AFF2: variants seen among roughly 807,000 people sequenced by gnomAD.
AFF2 encodes ALF transcription elongation factor 2.
In AFF2, 14 loss-of-function variants were observed where a neutral mutation model predicts 76.9. The observed-to-expected ratio is 0.18, with a 90% CI of 0.12 to 0.28. The LOEUF is 0.28. Among genes scored for constraint, AFF2 ranks in the 10% least tolerant of loss-of-function variants. The probability of loss-of-function intolerance (pLI) is 1.00; values close to 1 mark genes in which losing one functional copy is unlikely to be tolerated. For missense variants in AFF2, 868 were observed against 1,001.1 expected, an observed-to-expected ratio of 0.87 and a Z score of 1.79; for synonymous variants, 398 against 366.7, an observed-to-expected ratio of 1.09 and a Z score of -0.98.
Position 148,690,350 on chromosome X carries a change from A to G in AFF2, c.1041+27582A>G, listed in dbSNP as rs782232620. The stretch of plus-strand genomic sequence containing the variant: ...TTTTCCAGTTAACTAGTTAGTTACA[A>G]CCCGCTCTCTGGCAGTGTGGACCAT... On this transcript the variant is annotated intron_variant, in intron 3 of 20. Coordinates refer to ENST00000370460, the MANE Select transcript of AFF2 (RefSeq NM_002025.4). Among the ~76,000 whole-genome samples the G allele has an allele frequency of 4.4e-5, 5 of 112,411 alleles. No individual in the cohort carries two copies. In the East Asian group the frequency reaches 1.4e-3, roughly 31 times the overall value.
intron 1 of AFF2, among the ~76,000 whole-genome samples, chrX:148,592,773 G>A (rs1390043938): frequency 8.9e-6 from 1 of 111,840 alleles, no homozygotes; most frequent in Non-Finnish European, 1.9e-5. Flanking sequence ...GAGGCACGTG[G>A]CCTTTGGATG....
At chrX:148,567,222 C>G (rs1273982742) in intron 1 of AFF2, among the ~76,000 whole-genome samples, 1 of 111,895 alleles carries the variant, frequency 8.9e-6, no homozygotes, top group South Asian at 3.7e-4. Context: ...TTTAAGCACA[C>G]CCCTAGTTCA....
intron 1 of AFF2, among the ~76,000 whole-genome samples, chrX:148,536,543 A>G (rs1363119934): frequency 2.7e-5 from 3 of 112,623 alleles, no homozygotes; most frequent in Non-Finnish European, 5.6e-5. Flanking sequence ...TTTATGAAGA[A>G]ACCTATGCAG....
At chrX:148,852,265 T>C (rs781822800) in intron 7 of AFF2, among the ~76,000 whole-genome samples, 1 of 110,830 alleles carries the variant, frequency 9.0e-6, no homozygotes, top group East Asian at 2.9e-4. Context: ...CTAGGTCGAA[T>C]GGTAGTTCTG....
chrX:148,877,823 A>G (rs1342609068), intron 7 of AFF2, among the ~76,000 whole-genome samples: 3 of 112,140 alleles, frequency 2.7e-5, no homozygotes, highest in Non-Finnish European at 5.6e-5. Context: ...AGTGCACTTA[A>G]CAGCGACTTA....
At chrX:148,585,450 T>G (rs1470043078) in intron 1 of AFF2, among the ~76,000 whole-genome samples, 1 of 111,919 alleles carries the variant, frequency 8.9e-6, no homozygotes, top group Non-Finnish European at 1.9e-5. Flanking sequence ...CCATTCAACT[T>G]TTAGCACAGT....
intron 9 of AFF2, among the ~76,000 whole-genome samples, chrX:148,940,338 A>T (rs782493866): frequency 8.9e-6 from 1 of 112,256 alleles, no homozygotes; most frequent in South Asian, 3.7e-4. Flanking sequence ...TTTGCTGTTG[A>T]CATACTAAAA....
chrX:148,894,156 T>G (rs1240711476), intron 8 of AFF2, among the ~76,000 whole-genome samples: 1 of 111,796 alleles, frequency 8.9e-6, no homozygotes, highest in African/African-American at 3.3e-5. Context: ...TATGCACATC[T>G]CAAGCAAAAG....
At position 148,930,842 on chromosome X, in the gene AFF2, G is replaced by A. The variant is rs782399122; in HGVS notation, c.1398-22738G>A. Reference sequence around the variant, plus strand: ...CTGCAGCTTCTGCTGGCTGACTTCAGATAGAGTCTTGGGATGAGTGATATT... The same window carrying A: ...CTGCAGCTTCTGCTGGCTGACTTCAAATAGAGTCTTGGGATGAGTGATATT... On this transcript the variant is annotated intron_variant, in intron 9 of 20. Coordinates refer to ENST00000370460, the MANE Select transcript of AFF2 (RefSeq NM_002025.4). 3.6e-5 allele frequency among the ~76,000 whole-genome samples: 4 copies of A among 112,403 alleles called. No homozygotes were observed. In the South Asian group the frequency reaches 1.1e-3, roughly 31 times the overall value.
At chrX:148,548,976 T>C (rs2052960180) in intron 1 of AFF2, among the ~76,000 whole-genome samples, 1 of 112,516 alleles carries the variant, frequency 8.9e-6, no homozygotes, top group Non-Finnish European at 1.9e-5. Context: ...TGCTATAAAA[T>C]ATTTACTTTT....
intron 7 of AFF2, among the ~76,000 whole-genome samples, chrX:148,869,611 C>T (rs1220298683): frequency 9.0e-6 from 1 of 111,553 alleles, no homozygotes; most frequent in Admixed American, 9.5e-5. Flanking sequence ...CTCAGCCCAC[C>T]CATTTTGGAG....
chrX:148,914,888 G>A (rs1317292581), intron 9 of AFF2, among the ~76,000 whole-genome samples: 2 of 112,359 alleles, frequency 1.8e-5, no homozygotes, highest in African/African-American at 3.2e-5. Context: ...AGCACAGTAG[G>A]GCTATTTAGG....
intron 7 of AFF2, among the ~76,000 whole-genome samples, chrX:148,873,336 G>C (rs2071000521): frequency 9.0e-6 from 1 of 110,503 alleles, no homozygotes; most frequent in Non-Finnish European, 1.9e-5. Context: ...GCCTTGCATA[G>C]ACTCAGCAGA....
In AFF2 at chrX:148,500,960, C is replaced by T. The variant is rs1483697312; in HGVS notation, c.-138C>T. On this transcript the variant is annotated 5_prime_UTR_variant, in exon 1 of 21. Coordinates refer to ENST00000370460, the MANE Select transcript of AFF2 (RefSeq NM_002025.4). ...CCAGCGCCCGCTGCTGCTGCCGATG[C>T]GGCCCGGACACTTTTAGCTGGGCGG... 30 of 759,096 alleles carry T rather than the reference C, an allele frequency of 4.0e-5. No individual in the cohort carries two copies. Among genetic ancestry groups the T allele is most frequent in the Non-Finnish European group, 5.3e-5 (29 of 551,432 alleles). The allele number at this position is 759,096 out of a possible 1,213,427, so 62.6% of individuals were successfully genotyped here.
chrX:148,889,111 A>G (rs1024316694), intron 8 of AFF2, among the ~76,000 whole-genome samples: 1 of 112,010 alleles, frequency 8.9e-6, no homozygotes, highest in Admixed American at 9.5e-5. Context: ...TTTTTCAAAC[A>G]GTATCTAAGA....
In AFF2 at chrX:148,991,384, C is replaced by G; in HGVS notation, c.*52C>G. ...CGACCCATCACTCTACCTCTACCAGCGCACTGATGGTCACTGGTGGAACTC... is the reference window on the plus strand; with the variant it reads ...CGACCCATCACTCTACCTCTACCAGGGCACTGATGGTCACTGGTGGAACTC... On this transcript the variant is annotated 3_prime_UTR_variant, in exon 21 of 21. Coordinates refer to ENST00000370460, the MANE Select transcript of AFF2 (RefSeq NM_002025.4). 1 of 1,123,175 alleles carries G rather than the reference C, an allele frequency of 8.9e-7. No homozygotes were observed. 92.6% of individuals were successfully genotyped at this position (1,123,175 alleles called of 1,213,427 possible).
chrX:148,647,659 T>C (rs2054157394), intron 1 of AFF2, among the ~76,000 whole-genome samples: 1 of 111,677 alleles, frequency 9.0e-6, no homozygotes, highest in African/African-American at 3.3e-5. Flanking sequence ...TCATCTTCAT[T>C]CTGAAGTGTG....
intron 1 of AFF2, among the ~76,000 whole-genome samples, chrX:148,551,897 G>T (rs1212248575): frequency 8.9e-6 from 1 of 112,521 alleles, no homozygotes; most frequent in Non-Finnish European, 1.9e-5. Context: ...CTCTGGAGGG[G>T]CTGGAGACTG....
Position 148,559,644 on chromosome X carries a change from T to C in AFF2, c.47+58500T>C, listed in dbSNP as rs782728900. ...TGGCTGCATAGTATTCCATGATGTA[T>C]ATGTGCCACATTTTCTTTATCCAGT... On this transcript the variant is annotated intron_variant, in intron 1 of 20. Coordinates refer to ENST00000370460, the MANE Select transcript of AFF2 (RefSeq NM_002025.4). Among the ~76,000 whole-genome samples the C allele has an allele frequency of 3.4e-3, 380 of 111,933 alleles. 2 individuals are homozygous for C. Among genetic ancestry groups the C allele is most frequent in the Non-Finnish European group, 4.6e-3 (246 of 53,151 alleles).
Sources: allele counts gnomAD v4.1 joint callset (sites outside exome capture counted in the v4.1 genomes callset), GRCh38; gene constraint gnomAD v4.1.1; transcripts MANE v1.5; gene names NCBI Gene and HGNC (gene_info 2026-07-23, HGNC 2026-07-21).